LPL: variants seen among roughly 807,000 people sequenced by gnomAD.
The protein encoded by LPL is lipoprotein lipase, also known as phospholipase A1.
In LPL, 43 loss-of-function variants were observed where a neutral mutation model predicts 52.2. The observed-to-expected ratio is 0.82, with a 90% CI of 0.64 to 1.06. The LOEUF is 1.06. Ranked by LOEUF, LPL falls within the 50% of genes least tolerant of loss-of-function variation. The pLI is 0.00. For missense variants in LPL, 639 were observed against 585.3 expected (o/e 1.09, Z -0.95); for synonymous variants, 244 against 215.6 (o/e 1.13, Z -1.15).
rs2070080826 is a variant in LPL, at chr8:19,965,711, T to G, written c.*401T>G. 5.7e-6 allele frequency: 1 copy of G among 174,294 alleles called. No individual in the cohort carries two copies. The highest frequency in any genetic ancestry group is 1.2e-5 in the Non-Finnish European group (1 of 82,362). The allele number at this position is 174,294 out of a possible 1,614,324, so 10.8% of individuals were successfully genotyped here. On this transcript the variant is annotated 3_prime_UTR_variant, in exon 10 of 10. Transcript: ENST00000650287. The stretch of plus-strand genomic sequence containing the variant: ...ATTCTGGATCTTTCGGACTGAGGCC[T>G]TCTCAAACTTTACTCTAAGTCTCCA...
At chr8:19,960,764 T>A (rs1418630090) in intron 7 of LPL, 137 bp from the exon 8 acceptor site, 1 of 675,808 alleles carries the variant, frequency 1.5e-6, no homozygotes, top group Non-Finnish European at 2.6e-6. Flanking sequence ...TTTTGAGTTC[T>A]TTGTTGGACA....
rs1021624884 is a variant in LPL, at chr8:19,939,696, G to A, written c.88+168G>A. ...CGGTCCCCGGAGTGGGATCCAGGAG[G>A]GGCCGGGAGGGAATCTCCTCCCGAT... is the stretch of plus-strand genomic sequence containing the variant. On this transcript the variant is annotated intron_variant, in intron 1 of 9. Transcript: ENST00000650287. This position sits in a 1 kb window ranked among gnomAD's most constrained non-coding sequence, Gnocchi z 4.0. Among the ~76,000 whole-genome samples, 1 of 152,210 alleles carries A rather than the reference G, an allele frequency of 6.6e-6. No individual in the cohort carries two copies. The highest frequency in any genetic ancestry group is 1.5e-5 in the Non-Finnish European group (1 of 68,030).
Position 19,939,855 on chromosome 8 carries a change from C to A in LPL, c.88+327C>A, listed in dbSNP as rs2069815601. Among the ~76,000 whole-genome samples, 1 of 152,158 alleles carries A rather than the reference C, an allele frequency of 6.6e-6. No homozygotes were observed. The highest frequency in any genetic ancestry group is 2.1e-4 in the South Asian group (1 of 4,828). On this transcript the variant is annotated intron_variant, in intron 1 of 9. Transcript: ENST00000650287. This position sits in a 1 kb window ranked among gnomAD's most constrained non-coding sequence, Gnocchi z 4.0. ...AGGTTCCGGGGTGTGGGGGCCGGGA[C>A]GGCGGAGGCGGGGAGTAAGGGCCCG...
At position 19,966,058 on chromosome 8, in the gene LPL, G is replaced by A. The variant is rs1203585849; in HGVS notation, c.*748G>A. On this transcript the variant is annotated 3_prime_UTR_variant, in exon 10 of 10. Transcript: ENST00000650287. Reference sequence around the variant, plus strand: ...TGTCTCAAGATTATATTATAATAATGTTCTCTGGGTAGGTGTTGAAAATGA... The same window carrying A: ...TGTCTCAAGATTATATTATAATAATATTCTCTGGGTAGGTGTTGAAAATGA... The A allele has an allele frequency of 6.6e-6, 1 of 151,282 alleles. No individual in the cohort carries two copies. Among genetic ancestry groups the A allele is most frequent in the Non-Finnish European group, 1.5e-5 (1 of 67,908 alleles). The allele number at this position is 151,282 out of a possible 1,614,324, so 9.4% of individuals were successfully genotyped here. A position where few individuals can be genotyped will look rare whatever the true frequency, so the allele number is the denominator to read the frequency against.
At chr8:19,959,181 G>T in intron 6 of LPL, 79 bp from the exon 7 acceptor site, 2 of 1,583,028 alleles carry the variant, frequency 1.3e-6, no homozygotes, top group Non-Finnish European at 1.7e-6. Context: ...TACTTCTGTG[G>T]TTCTGAATTG....
At chr8:19,947,904 C>T (rs369720636) in intron 1 of LPL, among the ~76,000 whole-genome samples, 3 of 152,238 alleles carry the variant, frequency 2.0e-5, no homozygotes, top group African/African-American at 7.2e-5. Flanking sequence ...AACGTACACA[C>T]ACATACCCTG....
At chr8:19,960,355 A>T in intron 7 of LPL, among the ~76,000 whole-genome samples, 1 of 152,218 alleles carries the variant, frequency 6.6e-6, no homozygotes, top group Admixed American at 6.5e-5. Flanking sequence ...AAACATTTTT[A>T]AAAACATCAA....
intron 4 of LPL, 59 bp downstream of exon 4, chr8:19,953,480 G>A: frequency 2.3e-6 from 3 of 1,320,526 alleles, no homozygotes; most frequent in Non-Finnish European, 1.1e-6. Context: ...CATTCTGAGA[G>A]AGAATCAGAA....
At chr8:19,957,310 C>T (rs2069994626) in intron 6 of LPL, among the ~76,000 whole-genome samples, 1 of 152,022 alleles carries the variant, frequency 6.6e-6, no homozygotes, top group Non-Finnish European at 1.5e-5. Flanking sequence ...CAGATGGAAA[C>T]CTGAGGGAAG....
In LPL at chr8:19,955,789, C is replaced by T. The variant is rs531822319; in HGVS notation, c.776-52C>T. 9.9e-6 allele frequency: 16 copies of T among 1,613,082 alleles called. No homozygotes were observed. In the African/African-American group the frequency reaches 2.1e-4, roughly 22 times the overall value. ...TATTTTAGACATGCCAAATGAAACACTCTTTGTGAATTTCTGCCGAGATAC... is the reference window on the plus strand; with the variant it reads ...TATTTTAGACATGCCAAATGAAACATTCTTTGTGAATTTCTGCCGAGATAC... On this transcript the variant is annotated intron_variant, in intron 5 of 9. Coordinates refer to ENST00000650287, the MANE Select transcript of LPL (RefSeq NM_000237.3).
At chr8:19,964,822 A>T (rs2070071507) in intron 9 of LPL, among the ~76,000 whole-genome samples, 1 of 152,096 alleles carries the variant, frequency 6.6e-6, no homozygotes, top group East Asian at 1.9e-4. Flanking sequence ...GAGCCACAGC[A>T]CCCAGCCAGA....
At chr8:19,954,412 A>G (rs1028758148) in intron 5 of LPL, 59 bp downstream of exon 5, 17 of 1,495,896 alleles carry the variant, frequency 1.1e-5, no homozygotes, top group Non-Finnish European at 1.6e-5. Context: ...TTATTGACCC[A>G]ATGTCCTACT....
At chr8:19,952,066 A>G (rs779389319) in intron 3 of LPL, 118 bp downstream of exon 3, 9 of 1,120,422 alleles carry the variant, frequency 8.0e-6, no homozygotes, top group Non-Finnish European at 1.2e-5. Context: ...GGGCATTCAA[A>G]TCTTCAGAAT....
At chr8:19,952,219 C>A (rs2069940849) in intron 3 of LPL, among the ~76,000 whole-genome samples, 1 of 152,174 alleles carries the variant, frequency 6.6e-6, no homozygotes, top group South Asian at 2.1e-4. Flanking sequence ...GTGGGCCCAA[C>A]AGAAAAAAGC....
At chr8:19,943,842 A>G (rs60633545) in intron 1 of LPL, among the ~76,000 whole-genome samples, 18,036 of 152,132 alleles carry the variant, frequency 0.12, 2,979 homozygotes, top group African/African-American at 0.38. Flanking sequence ...TAAAATTCAG[A>G]TGATTCATAC....
intron 6 of LPL, among the ~76,000 whole-genome samples, chr8:19,957,246 C>G (rs1434063476): frequency 6.6e-6 from 1 of 152,072 alleles, no homozygotes; most frequent in African/African-American, 2.4e-5. Context: ...AGGAGGTCTT[C>G]GGATAAATCC....
intron 9 of LPL, among the ~76,000 whole-genome samples, chr8:19,963,788 A>G (rs1468270302): frequency 6.6e-6 from 1 of 152,206 alleles, no homozygotes; most frequent in Non-Finnish European, 1.5e-5. Flanking sequence ...AATGGAGAAT[A>G]GTTAGTGGTA....
intron 2 of LPL, 185 bp from the exon 3 acceptor site, chr8:19,951,584 C>T (rs1184617019): frequency 8.2e-6 from 6 of 728,452 alleles, no homozygotes; most frequent in Middle Eastern, 3.9e-4. Context: ...TCCTGGCTTA[C>T]TTAGATCTGC....
rs7839976 is a variant in LPL at position 19,940,123 on chromosome 8, C to G, written c.88+595C>G. ...CCGCTGTGGGAGTGGCAGTGGGTGT[C>G]GGGGTGGAGAAAGTACGCGTGGCGC... On this transcript the variant is annotated intron_variant, in intron 1 of 9. Transcript: ENST00000650287. Among the ~76,000 whole-genome samples, 781 of 152,274 alleles carry G rather than the reference C, an allele frequency of 5.1e-3. 7 individuals are homozygous for G. The highest frequency in any genetic ancestry group is 0.017 in the African/African-American group (724 of 41,572).
Sources: gnomAD v4.1 joint callset for allele counts (sites outside exome capture counted in the v4.1 genomes callset) on GRCh38, gnomAD v4.1.1 for gene constraint, Gnocchi (gnomAD v3.1) non-coding constraint, MANE v1.5 for transcripts, NCBI Gene and HGNC (gene_info 2026-07-23, HGNC 2026-07-21) for gene names.